PASD1: variants seen among roughly 807,000 people sequenced by gnomAD.
PASD1 encodes circadian clock protein PASD1.
In PASD1, 13 loss-of-function variants were observed where a neutral mutation model predicts 58.8. The ratio of observed to expected loss-of-function variants is 0.22; its 90% CI spans 0.14 to 0.35. The LOEUF is 0.35. Among genes scored for constraint, PASD1 ranks in the 10% least tolerant of loss-of-function variants. PASD1 has a pLI of 1.00. For missense variants in PASD1, 734 were observed against 568.3 expected, an observed-to-expected ratio of 1.29 and a Z score of -2.96; for synonymous variants, 236 against 216.7, an observed-to-expected ratio of 1.09 and a Z score of -0.78.
chrX:151,656,060 G>A (rs867032749), intron 9 of PASD1, among the ~76,000 whole-genome samples: 2 of 112,151 alleles, frequency 1.8e-5, no homozygotes, highest in South Asian at 3.7e-4. Context: ...TCCAGTTTCA[G>A]CTTTCAACAT....
chrX:151,668,217 G>C lies in PASD1; in HGVS notation c.1072-2821G>C, dbSNP rs932509451. On this transcript the variant is annotated intron_variant, in intron 11 of 15. Coordinates refer to ENST00000370357, the MANE Select transcript of PASD1 (RefSeq NM_173493.3). ...TTTACTGAGAGTTTTTAGCATGAAG[G>C]GTTGTTGAATTTTGTCAAAGATCTT... Among the ~76,000 whole-genome samples, 24 of 111,608 alleles carry C rather than the reference G, an allele frequency of 2.2e-4. 1 individual carries two copies. In the South Asian group the frequency reaches 3.8e-3, roughly 18 times the overall value.
chrX:151,641,591 A>G (rs916685733), intron 8 of PASD1, among the ~76,000 whole-genome samples: 1 of 111,578 alleles, frequency 9.0e-6, no homozygotes, highest in Non-Finnish European at 1.9e-5. Flanking sequence ...TGTCTCGTAC[A>G]GGAAAACAGG....
chrX:151,590,881 T>C (rs1198065715), intron 1 of PASD1, among the ~76,000 whole-genome samples: 2 of 112,350 alleles, frequency 1.8e-5, no homozygotes, highest in African/African-American at 6.5e-5. Flanking sequence ...TGCTTCACTT[T>C]GATTCTAATT....
intron 11 of PASD1, among the ~76,000 whole-genome samples, chrX:151,668,502 G>A (rs1400291497): frequency 1.8e-5 from 2 of 110,384 alleles, no homozygotes; most frequent in African/African-American, 3.3e-5. Context: ...TCAAATAGAC[G>A]CAATAAAAAA....
chrX:151,646,024 C>T (rs2014057405), intron 8 of PASD1, among the ~76,000 whole-genome samples: 1 of 110,602 alleles, frequency 9.0e-6, no homozygotes, highest in African/African-American at 3.3e-5. Context: ...GATCTTCCCA[C>T]TTCAGCCTCC....
At chrX:151,656,549 A>G (rs1363463163) in intron 9 of PASD1, among the ~76,000 whole-genome samples, 1 of 111,282 alleles carries the variant, frequency 9.0e-6, no homozygotes, top group Non-Finnish European at 1.9e-5. Flanking sequence ...AGTGGTTTGT[A>G]GTTCTCCTTG....
At chrX:151,625,108 T>G (rs1334791415) in intron 7 of PASD1, among the ~76,000 whole-genome samples, 1 of 112,203 alleles carries the variant, frequency 8.9e-6, no homozygotes, top group Non-Finnish European at 1.9e-5. Flanking sequence ...TGTTCCATAT[T>G]AGTGGACATT....
intron 9 of PASD1, among the ~76,000 whole-genome samples, chrX:151,656,402 G>A (rs1464884828): frequency 8.9e-6 from 1 of 111,800 alleles, no homozygotes; most frequent in African/African-American, 3.3e-5. Flanking sequence ...AAAGTCATTG[G>A]TAGCTTGATG....
At chrX:151,659,975 T>C in intron 10 of PASD1, 139 bp downstream of exon 10, 1 of 523,948 alleles carries the variant, frequency 1.9e-6, no homozygotes, top group Non-Finnish European at 2.8e-6. Context: ...CTTCATCTTC[T>C]GTAAATATTT....
chrX:151,611,299 A>G (rs1348132313), intron 3 of PASD1, among the ~76,000 whole-genome samples: 1 of 112,095 alleles, frequency 8.9e-6, no homozygotes, highest in Non-Finnish European at 1.9e-5. Context: ...TAACCTAACC[A>G]CAAATGAAAG....
chrX:151,601,713 GT>G (rs754871161), intron 2 of PASD1, 132 bp downstream of exon 2: 81 of 593,585 alleles, frequency 1.4e-4, no homozygotes, highest in South Asian at 1.1e-3. Context: ...TTTCTCCAGT[GT>G]TTTTTTTTCA....
chrX:151,626,534 A>G (rs897359561), intron 8 of PASD1, among the ~76,000 whole-genome samples: 2 of 111,850 alleles, frequency 1.8e-5, no homozygotes, highest in Non-Finnish European at 3.8e-5. Flanking sequence ...ATTTGTATGT[A>G]GTAAGCCACA....
chrX:151,653,746 CCTTCCTTCTTTCTTTCTTT>C (rs2014168995), intron 9 of PASD1, among the ~76,000 whole-genome samples: 1 of 39,899 alleles, frequency 2.5e-5, no homozygotes, highest in African/African-American at 6.4e-5. Context: ...CTCTTTCTTT[CCTTCCTTCTTTCTTTCTTT>C]CTTTCTTTCT....
chrX:151,601,682 G>C (rs1487050976), intron 2 of PASD1, 101 bp downstream of exon 2: 1 of 837,108 alleles, frequency 1.2e-6, no homozygotes, highest in African/African-American at 2.0e-5. Flanking sequence ...AGGGAAGCCT[G>C]ATTCACTCAG....
At position 151,621,512 on chromosome X, in the gene PASD1, A is replaced by G; in HGVS notation, c.338A>G (p.Lys113Arg). 1 of 1,205,200 alleles carries G rather than the reference A, an allele frequency of 8.3e-7. No individual in the cohort carries two copies. The highest frequency in any genetic ancestry group is 1.1e-6 in the Non-Finnish European group (1 of 892,332). Residue 113 changes from lysine (K) to arginine (R), a missense_variant, in exon 6 of 16, where the codon AAA (lysine) becomes AGA (arginine). Physicochemically the swap from Lys to Arg is conservative, Grantham distance 26. Transcript: ENST00000370357. Reference protein sequence around the residue: ...ETHIEFCCHLKRGNVEHGDSS... With the variant: ...ETHIEFCCHLRRGNVEHGDSS... ...CATATTGAATTTTGCTGTCATTTAA[A>G]AAGAGGAAATGTCGAACATGGTGAT...
intron 12 of PASD1, 102 bp from the exon 13 acceptor site, chrX:151,671,471 A>G: frequency 1.0e-6 from 1 of 983,246 alleles, no homozygotes; most frequent in Non-Finnish European, 1.4e-6. Flanking sequence ...GGCTTCCTGT[A>G]GGCTTGCCTG....
rs1344059498 is a variant in PASD1 at position 151,634,368 on chromosome X, A to G, written c.629+8838A>G. ...TCTCAAATACTTCTATGTATTTCCT[A>G]TGTTCAAGTTTATTATAATACATAA... On this transcript the variant is annotated intron_variant, in intron 8 of 15. Coordinates refer to ENST00000370357, the MANE Select transcript of PASD1 (RefSeq NM_173493.3). 3.6e-5 allele frequency among the ~76,000 whole-genome samples: 4 copies of G among 111,295 alleles called. No homozygotes were observed. The Admixed American group carries it at 3.9e-4, about 11-fold the overall frequency.
intron 6 of PASD1, among the ~76,000 whole-genome samples, chrX:151,621,921 G>A (rs1334546003): frequency 1.8e-5 from 2 of 109,842 alleles, no homozygotes; most frequent in Admixed American, 9.9e-5. Context: ...GTTTAAAGCA[G>A]TATGACAGTG....
At position 151,647,540 on chromosome X, in the gene PASD1, A is replaced by T. The variant is rs1440816084; in HGVS notation, c.630-1075A>T. 2.7e-5 allele frequency among the ~76,000 whole-genome samples: 3 copies of T among 109,272 alleles called. No homozygotes were observed. The East Asian group carries it at 8.4e-4, about 31-fold the overall frequency. 94.9% of individuals were successfully genotyped at this position (109,272 alleles called of 115,157 possible). A position where few individuals can be genotyped will look rare whatever the true frequency, so the allele number is the denominator to read the frequency against. Reference sequence around the variant, plus strand: ...AAATATTAATAAATATATTTAATTAAATATATACTTTTTATATATTTTAAA... The same window carrying T: ...AAATATTAATAAATATATTTAATTATATATATACTTTTTATATATTTTAAA... On this transcript the variant is annotated intron_variant, in intron 8 of 15. Coordinates refer to ENST00000370357, the MANE Select transcript of PASD1 (RefSeq NM_173493.3).
Sources: gnomAD v4.1 joint callset for allele counts (sites outside exome capture counted in the v4.1 genomes callset) on GRCh38, gnomAD v4.1.1 for gene constraint, MANE v1.5 for transcripts, NCBI Gene and HGNC (gene_info 2026-07-23, HGNC 2026-07-21) for gene names.